The following NCOA7 variants were observed in gnomAD, a reference collection of about 807,000 sequenced individuals.
The protein encoded by NCOA7 is 140 kDa estrogen receptor-associated protein.
NCOA7 carries 45 observed loss-of-function variants against 104.3 expected under a neutral mutation model. The observed-to-expected ratio is 0.43, with a 90% confidence interval of 0.34 to 0.55. NCOA7 has a LOEUF of 0.55. Among genes scored for constraint, NCOA7 ranks in the 20% least tolerant of loss-of-function variants. The pLI is 0.02. For synonymous variants in NCOA7, 398 were observed against 402.3 expected, an observed-to-expected ratio of 0.99 and a Z score of 0.13; for missense variants, 1,041 against 1,119.7, an observed-to-expected ratio of 0.93 and a Z score of 1.00.
At chr6:125,914,774 G>A (rs1786902544) in intron 10 of NCOA7, among the ~76,000 whole-genome samples, 1 of 152,136 alleles carries the variant, frequency 6.6e-6, no homozygotes, top group African/African-American at 2.4e-5. Context: ...ATGTGTATAA[G>A]ACAGCAGAGA....
chr6:125,854,980 A>G, intron 2 of NCOA7, 40 bp from the exon 3 acceptor site: 21 of 1,373,752 alleles, frequency 1.5e-5, no homozygotes, highest in Non-Finnish European at 2.1e-5. Flanking sequence ...CCAGCAAATC[A>G]TCTCTCCAAT....
At chr6:125,824,500 T>C (rs1399400696) in intron 2 of NCOA7, among the ~76,000 whole-genome samples, 1 of 152,200 alleles carries the variant, frequency 6.6e-6, no homozygotes, top group Non-Finnish European at 1.5e-5. Flanking sequence ...TTTAGAATAA[T>C]ACTTTAAAAA....
At chr6:125,842,336 A>G (rs1344678035) in intron 2 of NCOA7, among the ~76,000 whole-genome samples, 1 of 152,194 alleles carries the variant, frequency 6.6e-6, no homozygotes, top group Non-Finnish European at 1.5e-5. Context: ...ATTTTTCAAG[A>G]TAGTATGCTT....
chr6:125,824,753 C>T (rs1778500515), intron 2 of NCOA7, among the ~76,000 whole-genome samples: 1 of 152,078 alleles, frequency 6.6e-6, no homozygotes, highest in African/African-American at 2.4e-5. Flanking sequence ...TCTCCTCCAT[C>T]TCTTTTTTAA....
At chr6:125,861,518 C>CA (rs887247362) in intron 3 of NCOA7, among the ~76,000 whole-genome samples, 3 of 152,020 alleles carry the variant, frequency 2.0e-5, no homozygotes, top group African/African-American at 7.3e-5. Context: ...AATGGATTTT[C>CA]ATGTAGAAAA....
intron 3 of NCOA7, among the ~76,000 whole-genome samples, chr6:125,866,248 G>A (rs1583413934): frequency 1.3e-5 from 2 of 151,966 alleles, no homozygotes; most frequent in East Asian, 3.9e-4. Flanking sequence ...AGAATCGCTT[G>A]AACCCGTGAG....
intron 2 of NCOA7, 24 bp downstream of exon 2, chr6:125,815,428 G>GTTA: frequency 6.3e-7 from 1 of 1,594,042 alleles, no homozygotes; most frequent in East Asian, 2.2e-5. Flanking sequence ...TTACAAAATT[G>GTTA]TTATCAGTAC....
intron 1 of NCOA7, among the ~76,000 whole-genome samples, chr6:125,814,615 G>A (rs1277644009): frequency 6.6e-6 from 1 of 152,174 alleles, no homozygotes; most frequent in African/African-American, 2.4e-5. Flanking sequence ...GATAAAAGTG[G>A]TATTTGAGGA....
rs183467361 is a variant in NCOA7 at position 125,832,840 on chromosome 6, T to C, written c.50+17436T>C. 2.4e-3 allele frequency among the ~76,000 whole-genome samples: 359 copies of C among 152,352 alleles called. 2 individuals are homozygous for C. Among genetic ancestry groups the C allele is most frequent in the Admixed American group, 4.5e-3 (69 of 15,308 alleles). On this transcript the variant is annotated intron_variant, in intron 2 of 15. Coordinates refer to ENST00000392477, the MANE Select transcript of NCOA7 (RefSeq NM_181782.5). ...GGAACCGCTGGATCTCTCAGCCACC[T>C]TGTTATTTTCTGCAGCCTCGGCTGC...
chr6:125,850,996 C>T (rs915225359), intron 2 of NCOA7, among the ~76,000 whole-genome samples: 2 of 152,110 alleles, frequency 1.3e-5, no homozygotes, highest in Non-Finnish European at 2.9e-5. Context: ...GAGCAACCTA[C>T]TCCTTTACCA....
rs1739387 is a variant in NCOA7, at chr6:125,782,672, C to A, written c.-142+1301C>A. Among the ~76,000 whole-genome samples, 4 of 152,124 alleles carry A rather than the reference C, an allele frequency of 2.6e-5. No homozygotes were observed. In the East Asian group the frequency reaches 5.8e-4, roughly 22 times the overall value. On this transcript the variant is annotated intron_variant, in intron 1 of 16. Coordinates refer to the NCOA7 transcript ENST00000368357. ...AGAAAGTTCGTCAATTTAAATATTT[C>A]TTCTGGCAGGACAACTATCCTAAGT...
At chr6:125,824,910 C>T (rs148232250) in intron 2 of NCOA7, among the ~76,000 whole-genome samples, 251 of 152,236 alleles carry the variant, frequency 1.6e-3, no homozygotes, top group African/African-American at 5.8e-3. Flanking sequence ...AGGCACCTGC[C>T]ACCACACCCA....
At chr6:125,793,440 C>G (rs1775029832) in intron 1 of NCOA7, among the ~76,000 whole-genome samples, 1 of 152,154 alleles carries the variant, frequency 6.6e-6, no homozygotes, top group Admixed American at 6.5e-5. Context: ...GAATCACAGT[C>G]AAATAAAAGC....
chr6:125,821,322 G>A (rs1284344028), intron 2 of NCOA7, among the ~76,000 whole-genome samples: 3 of 152,144 alleles, frequency 2.0e-5, no homozygotes, highest in South Asian at 2.1e-4. Flanking sequence ...ACTCAAAGGG[G>A]TTGAATAACT....
At chr6:125,786,573 CTTTTTTTT>C (rs148199881), upstream of NCOA7, among the ~76,000 whole-genome samples, 1 of 121,084 alleles carries the variant, frequency 8.3e-6, no homozygotes. Context: ...TAATCATTGT[CTTTTTTTT>C]TTTTTTTTTT....
At chr6:125,851,836 G>A (rs549957966) in intron 2 of NCOA7, among the ~76,000 whole-genome samples, 17 of 151,672 alleles carry the variant, frequency 1.1e-4, no homozygotes, top group Non-Finnish European at 1.9e-4. Context: ...GTATCTCCCC[G>A]ATGATTCGTG....
intron 1 of NCOA7, among the ~76,000 whole-genome samples, chr6:125,793,990 G>A (rs1425237960): frequency 6.6e-6 from 1 of 152,130 alleles, no homozygotes; most frequent in Non-Finnish European, 1.5e-5. Context: ...CTGAACAAAG[G>A]CCATGACGTC....
chr6:125,873,379 A>T (rs1381007942), intron 3 of NCOA7, among the ~76,000 whole-genome samples: 4 of 152,090 alleles, frequency 2.6e-5, no homozygotes, highest in African/African-American at 9.7e-5. Flanking sequence ...AAAATTATTT[A>T]TGTGTTTTTT....
intron 10 of NCOA7, among the ~76,000 whole-genome samples, chr6:125,891,040 C>A (rs1583473574): frequency 6.6e-6 from 1 of 152,180 alleles, no homozygotes; most frequent in African/African-American, 2.4e-5. Context: ...GCTTTCATAA[C>A]TTTCTACCTA....
Sources: gnomAD v4.1 joint callset for allele counts (sites outside exome capture counted in the v4.1 genomes callset) on GRCh38, gnomAD v4.1.1 for gene constraint, MANE v1.5 for transcripts, NCBI Gene and HGNC (gene_info 2026-07-23, HGNC 2026-07-21) for gene names.